The following CCBE1 variants were observed in gnomAD, a reference collection of about 807,000 sequenced individuals.
CCBE1 encodes the protein collagen and calcium-binding EGF domain-containing protein 1.
A neutral mutation model predicts 50.0 loss-of-function variants in CCBE1; 37 were observed. The observed-to-expected ratio is 0.74, with a 90% CI of 0.57 to 0.97. The LOEUF (loss-of-function observed/expected upper bound fraction) is 0.97, where lower values mean the gene tolerates loss of function less well. Among genes scored for constraint, CCBE1 ranks in the 50% least tolerant of loss-of-function variants. The probability of loss-of-function intolerance (pLI) is 0.00; values close to 1 mark genes in which losing one functional copy is unlikely to be tolerated. For missense variants in CCBE1, 538 were observed against 523.8 expected, an observed-to-expected ratio of 1.03 and a Z score of -0.26; for synonymous variants, 234 against 203.7, an observed-to-expected ratio of 1.15 and a Z score of -1.27.
Position 59,671,192 on chromosome 18 carries a change from C to T in CCBE1, c.212+25437G>A, listed in dbSNP as rs181303488. Among the ~76,000 whole-genome samples the T allele has an allele frequency of 2.8e-3, 418 of 151,906 alleles. 1 individual carries two copies. The highest frequency in any genetic ancestry group is 9.9e-3 in the African/African-American group (409 of 41,448). On this transcript the variant is annotated intron_variant, in intron 2 of 10. Coordinates refer to ENST00000439986, the MANE Select transcript of CCBE1 (RefSeq NM_133459.4). ...AACGCTAGGAAAGCCATTTGAGTAC[C>T]CTACAATAAGAAGTGACCAGTGGTG...
chr18:59,558,287 C>A (rs943778306), intron 2 of CCBE1, among the ~76,000 whole-genome samples: 4 of 152,196 alleles, frequency 2.6e-5, no homozygotes, highest in Non-Finnish European at 5.9e-5. Flanking sequence ...AGTGTGACTT[C>A]AGAAGAACAG....
intron 2 of CCBE1, among the ~76,000 whole-genome samples, chr18:59,592,823 G>A (rs1263374269): frequency 6.6e-6 from 1 of 152,060 alleles, no homozygotes; most frequent in Non-Finnish European, 1.5e-5. Context: ...AAGGACGAGT[G>A]CACAGTCAGC....
Position 59,510,767 on chromosome 18 carries a change from C to A in CCBE1, c.213-30529G>T, listed in dbSNP as rs145972804. Among the ~76,000 whole-genome samples the A allele has an allele frequency of 2.9e-3, 443 of 152,314 alleles. 1 individual carries two copies. The highest frequency in any genetic ancestry group is 3.9e-3 in the Non-Finnish European group (264 of 68,024). ...TAAATGCTTCCTTATCACTAAAATT[C>A]TTCCATATTGATTAAAATACATTTT... On this transcript the variant is annotated intron_variant, in intron 2 of 10. Coordinates refer to ENST00000439986, the MANE Select transcript of CCBE1 (RefSeq NM_133459.4).
chr18:59,582,357 G>A (rs1433892921), intron 2 of CCBE1, among the ~76,000 whole-genome samples: 2 of 152,194 alleles, frequency 1.3e-5, no homozygotes, highest in Non-Finnish European at 2.9e-5. Context: ...TTAGACTTCA[G>A]AGGTGATGTT....
intron 2 of CCBE1, among the ~76,000 whole-genome samples, chr18:59,656,708 T>C (rs1004304146): frequency 6.6e-6 from 1 of 152,244 alleles, no homozygotes; most frequent in African/African-American, 2.4e-5. Flanking sequence ...GATAGAGTTG[T>C]AAACACAAGA....
At chr18:59,631,894 T>C (rs557119411) in intron 2 of CCBE1, among the ~76,000 whole-genome samples, 2 of 152,288 alleles carry the variant, frequency 1.3e-5, no homozygotes, top group East Asian at 3.9e-4. Context: ...ATAGGAAATG[T>C]AAGATGCCAA....
intron 2 of CCBE1, among the ~76,000 whole-genome samples, chr18:59,652,682 C>T (rs570578259): frequency 2.6e-5 from 4 of 152,294 alleles, no homozygotes; most frequent in African/African-American, 4.8e-5. Context: ...AAAGGATTTT[C>T]GGCCGGGCGC....
intron 2 of CCBE1, among the ~76,000 whole-genome samples, chr18:59,570,099 TG>T (rs2052888389): frequency 6.6e-6 from 1 of 152,206 alleles, no homozygotes; most frequent in African/African-American, 2.4e-5. Flanking sequence ...CGCTCCACAT[TG>T]TTTTAGATGT....
intron 2 of CCBE1, among the ~76,000 whole-genome samples, chr18:59,507,402 C>T (rs1913925263): frequency 6.6e-6 from 1 of 152,218 alleles, no homozygotes; most frequent in Admixed American, 6.5e-5. Context: ...TGGAGCTTCC[C>T]AGCTCTCCCA....
chr18:59,523,170 C>T (rs1362629198), intron 2 of CCBE1, among the ~76,000 whole-genome samples: 1 of 151,742 alleles, frequency 6.6e-6, no homozygotes, highest in Non-Finnish European at 1.5e-5. Flanking sequence ...TGTGTATCCT[C>T]ATGAGCAATG....
intron 2 of CCBE1, among the ~76,000 whole-genome samples, chr18:59,482,484 A>T (rs1301663218): frequency 6.6e-6 from 1 of 152,202 alleles, no homozygotes; most frequent in African/African-American, 2.4e-5. Flanking sequence ...TACTATAAAG[A>T]TACAGGCACA....
intron 2 of CCBE1, among the ~76,000 whole-genome samples, chr18:59,497,201 T>C (rs769566194): frequency 2.0e-5 from 3 of 152,148 alleles, no homozygotes; most frequent in Non-Finnish European, 2.9e-5. Flanking sequence ...AATGAATGTT[T>C]ATAATAGTTA....
At chr18:59,495,462 G>A (rs1471507687) in intron 2 of CCBE1, among the ~76,000 whole-genome samples, 2 of 148,628 alleles carry the variant, frequency 1.3e-5, no homozygotes, top group Admixed American at 6.8e-5. Context: ...TTCAGGTTCA[G>A]ACAGCCAGTT....
intron 2 of CCBE1, among the ~76,000 whole-genome samples, chr18:59,646,174 T>G (rs995832527): frequency 3.3e-5 from 5 of 152,204 alleles, no homozygotes; most frequent in African/African-American, 9.6e-5. Context: ...TAAGTTGAAG[T>G]TGCATGTGAG....
chr18:59,492,294 C>T (rs992680741), intron 2 of CCBE1, among the ~76,000 whole-genome samples: 1 of 151,814 alleles, frequency 6.6e-6, no homozygotes, highest in Non-Finnish European at 1.5e-5. Flanking sequence ...GCTGCGTTTT[C>T]AGGTCACTAG....
intron 2 of CCBE1, among the ~76,000 whole-genome samples, chr18:59,495,652 A>G (rs1913321027): frequency 6.7e-6 from 1 of 148,286 alleles, no homozygotes; most frequent in African/African-American, 2.5e-5. Flanking sequence ...CATTCCACAC[A>G]TTGGTATATG....
chr18:59,538,987 G>A (rs1915358476), intron 2 of CCBE1, among the ~76,000 whole-genome samples: 1 of 152,056 alleles, frequency 6.6e-6, no homozygotes, highest in African/African-American at 2.4e-5. Context: ...AGACCAGCCT[G>A]GGCAACATAT....
chr18:59,469,194 G>C (rs113635414), intron 4 of CCBE1, among the ~76,000 whole-genome samples: 17 of 152,264 alleles, frequency 1.1e-4, no homozygotes, highest in African/African-American at 4.1e-4. Context: ...CTTATACTCT[G>C]TTTTACATTA....
chr18:59,563,745 T>C (rs1352540055), intron 2 of CCBE1: 4 of 152,172 alleles, frequency 2.6e-5, no homozygotes, highest in Non-Finnish European at 5.9e-5. Flanking sequence ...ACTTAGGATT[T>C]ACAAGTCAGT....
Sources: allele counts gnomAD v4.1 joint callset (sites outside exome capture counted in the v4.1 genomes callset), GRCh38; gene constraint gnomAD v4.1.1; transcripts MANE v1.5; gene names NCBI Gene and HGNC (gene_info 2026-07-23, HGNC 2026-07-21).